APBB2: variants seen among roughly 807,000 people sequenced by gnomAD.
APBB2 encodes the protein amyloid beta precursor protein binding family B member 2.
APBB2 carries 38 observed loss-of-function variants against 82.5 expected under a neutral mutation model. That is an observed-to-expected ratio of 0.46 (90% CI 0.36 to 0.60). The LOEUF is 0.60. Among genes scored for constraint, APBB2 ranks in the 20% least tolerant of loss-of-function variants. APBB2 has a pLI of 0.00. For synonymous variants in APBB2, 341 were observed against 368.2 expected, an observed-to-expected ratio of 0.93 and a Z score of 0.85; for missense variants, 772 against 972.3, an observed-to-expected ratio of 0.79 and a Z score of 2.74.
At chr4:40,837,511 A>C (rs6835850) in intron 12 of APBB2, among the ~76,000 whole-genome samples, 119,708 of 152,122 alleles carry the variant, frequency 0.79, 47,468 homozygotes, top group Admixed American at 0.83. Context: ...GGCCAGAAAG[A>C]ACATCACTCC....
chr4:41,113,198 A>C (rs1749817630), intron 2 of APBB2, among the ~76,000 whole-genome samples: 1 of 152,214 alleles, frequency 6.6e-6, no homozygotes, highest in South Asian at 2.1e-4. Flanking sequence ...CTGATGAGAG[A>C]AAAAATATCT....
At chr4:41,112,716 G>A (rs1186214965) in intron 2 of APBB2, among the ~76,000 whole-genome samples, 3 of 152,210 alleles carry the variant, frequency 2.0e-5, no homozygotes, top group East Asian at 1.9e-4. Context: ...CAGGCCGGGC[G>A]TGGTGGCTGA....
At chr4:40,869,359 G>A (rs988060571) in intron 12 of APBB2, among the ~76,000 whole-genome samples, 5 of 152,106 alleles carry the variant, frequency 3.3e-5, no homozygotes, top group Admixed American at 6.6e-5. Context: ...AGTGAGGTAG[G>A]AGGATCAGTT....
rs1788554668 is a variant in APBB2, at chr4:40,946,714, A to C, written c.836-1641T>G. The stretch of plus-strand genomic sequence containing the variant: ...GAAAAACTTTAAAAACTTGAGCTCT[A>C]AACCCAGGGATCAATTTTATTCTAA... On this transcript the variant is annotated intron_variant, in intron 6 of 17. Coordinates refer to ENST00000508593, the MANE Select transcript of APBB2 (RefSeq NM_004307.2). Among the ~76,000 whole-genome samples the C allele has an allele frequency of 1.3e-5, 2 of 152,102 alleles. 1 individual carries two copies. The highest frequency in any genetic ancestry group is 3.9e-4 in the East Asian group (2 of 5,188).
chr4:40,835,789 G>T (rs1181116948), intron 12 of APBB2, among the ~76,000 whole-genome samples: 8 of 152,186 alleles, frequency 5.3e-5, no homozygotes, highest in Admixed American at 5.2e-4. Flanking sequence ...AGCGCAGGGG[G>T]ATGAGCAAAG....
chr4:41,132,970 A>G (rs1756486574), intron 2 of APBB2, among the ~76,000 whole-genome samples: 1 of 152,216 alleles, frequency 6.6e-6, no homozygotes, highest in African/African-American at 2.4e-5. Flanking sequence ...GAAAATTCAA[A>G]TACAGAAAAG....
intron 1 of APBB2, among the ~76,000 whole-genome samples, chr4:41,179,002 T>C (rs1429481993): frequency 6.6e-6 from 1 of 152,230 alleles, no homozygotes; most frequent in Non-Finnish European, 1.5e-5. Flanking sequence ...AGGACTGTGA[T>C]TGATGGGCAA....
intron 2 of APBB2, among the ~76,000 whole-genome samples, chr4:41,101,734 C>T (rs1218404463): frequency 6.6e-6 from 1 of 151,762 alleles, no homozygotes; most frequent in East Asian, 1.9e-4. Flanking sequence ...CCCAGGCGGG[C>T]GGATCACGAC....
At chr4:40,870,677 C>T (rs868356665) in intron 12 of APBB2, among the ~76,000 whole-genome samples, 17 of 151,634 alleles carry the variant, frequency 1.1e-4, no homozygotes, top group African/African-American at 4.1e-4. Flanking sequence ...CTGGAACCTG[C>T]AAATGTTACC....
In APBB2 at chr4:40,824,903, T is replaced by C. The variant is rs115691868; in HGVS notation, c.1816+984A>G. On this transcript the variant is annotated intron_variant, in intron 15 of 17. Coordinates refer to ENST00000508593, the MANE Select transcript of APBB2 (RefSeq NM_004307.2). ...CCAGACCCCTAGACCAAGGCAACCC[T>C]TACCTACTTTCTGACGCTAGAGCTC... 6.0e-3 allele frequency among the ~76,000 whole-genome samples: 913 copies of C among 152,314 alleles called. 7 individuals carry two copies. Among genetic ancestry groups the C allele is most frequent in the African/African-American group, 0.021 (860 of 41,572 alleles).
chr4:41,150,887 C>G (rs1468453671), intron 1 of APBB2, among the ~76,000 whole-genome samples: 1 of 152,102 alleles, frequency 6.6e-6, no homozygotes, highest in African/African-American at 2.4e-5. Context: ...ATACAGACAA[C>G]CACCATCATG....
intron 6 of APBB2, among the ~76,000 whole-genome samples, chr4:40,965,123 A>G (rs79096392): frequency 0.063 from 9,539 of 151,794 alleles, 398 homozygotes; most frequent in South Asian, 0.12. Context: ...CCATCTCAAA[A>G]AATTAAAAAA....
chr4:41,037,385 A>C (rs1719642249), intron 4 of APBB2, among the ~76,000 whole-genome samples: 1 of 152,238 alleles, frequency 6.6e-6, no homozygotes. Flanking sequence ...AACATGTTAA[A>C]AATAATTTCA....
intron 2 of APBB2, among the ~76,000 whole-genome samples, chr4:41,133,374 T>C (rs1756631912): frequency 6.6e-6 from 1 of 152,186 alleles, no homozygotes; most frequent in African/African-American, 2.4e-5. Context: ...AGTCCCTTTT[T>C]TGCACGTGCT....
At chr4:41,193,089 C>G (rs1161795960) in intron 1 of APBB2, among the ~76,000 whole-genome samples, 2 of 152,102 alleles carry the variant, frequency 1.3e-5, no homozygotes. Flanking sequence ...TTTTAAAATA[C>G]AAAAGCAAAA....
chr4:41,174,966 C>T (rs1001400550), intron 1 of APBB2, among the ~76,000 whole-genome samples: 3 of 152,132 alleles, frequency 2.0e-5, no homozygotes, highest in African/African-American at 7.2e-5. Context: ...CTGAGCGTTC[C>T]AGAATTCCTT....
chr4:40,823,753 T>C lies in APBB2; in HGVS notation c.1823A>G (p.Asp608Gly), dbSNP rs1240446369. 6.2e-7 allele frequency: 1 copy of C among 1,609,558 alleles called. No homozygotes were observed. The highest frequency in any genetic ancestry group is 1.3e-5 in the African/African-American group (1 of 74,816). ...MLPVDKPVGM[D>G]ILNSAIENLM... is the part of the protein sequence containing the mutation. Reference sequence around the variant, plus strand: ...ATTTTCTATGGCACTGTTCAAAATATCCATTCCTGGGGACAGAAAAGGATA... The same window carrying C: ...ATTTTCTATGGCACTGTTCAAAATACCCATTCCTGGGGACAGAAAAGGATA... The change falls in exon 16 of 18, where the codon GAT (aspartate) becomes GGT (glycine). Residue 608 changes from aspartate (D) to glycine (G), a missense_variant. Coordinates refer to ENST00000508593, the MANE Select transcript of APBB2 (RefSeq NM_004307.2).
rs191410369 is a variant in APBB2 at position 41,166,795 on chromosome 4, G to T, written c.-416-23653C>A. 1.3e-3 allele frequency among the ~76,000 whole-genome samples: 205 copies of T among 152,184 alleles called. 2 individuals carry two copies. The highest frequency in any genetic ancestry group is 0.01 in the South Asian group (50 of 4,814). ...GCTTGTAATCTCAGGTACTCAGGAG[G>T]TTGATGCAGGAGATTCGCTTGAACC... On this transcript the variant is annotated intron_variant, in intron 1 of 17. Transcript: ENST00000508593.
intron 5 of APBB2, among the ~76,000 whole-genome samples, chr4:41,016,208 T>A (rs1225104171): frequency 6.6e-6 from 1 of 152,244 alleles, no homozygotes; most frequent in Non-Finnish European, 1.5e-5. Flanking sequence ...GGCTGCTTTA[T>A]GATGCTAGGT....
Sources: allele counts gnomAD v4.1 joint callset (sites outside exome capture counted in the v4.1 genomes callset), GRCh38; gene constraint gnomAD v4.1.1; transcripts MANE v1.5; gene names NCBI Gene and HGNC (gene_info 2026-07-23, HGNC 2026-07-21).